Variants in TULP3 observed in about 807,000 individuals in gnomAD.
The protein encoded by TULP3 is tubby-related protein 3.
A neutral mutation model predicts 50.7 loss-of-function variants in TULP3; 38 were observed. That is an observed-to-expected ratio of 0.75 (90% confidence interval 0.58 to 0.98). The LOEUF (loss-of-function observed/expected upper bound fraction) is 0.98. TULP3 is among the 50% of genes least tolerant of loss of function. The probability of loss-of-function intolerance (pLI) is 0.00; values close to 1 mark genes in which losing one functional copy is unlikely to be tolerated. For missense variants in TULP3, 550 were observed against 568.0 expected (o/e 0.97, Z 0.32); for synonymous variants, 183 against 196.6 (o/e 0.93, Z 0.58).
In TULP3 at chr12:2,906,091, C is replaced by T. The variant is rs571413779; in HGVS notation, c.42-3438C>T. 1.7e-4 allele frequency among the ~76,000 whole-genome samples: 25 copies of T among 148,542 alleles called. No homozygotes were observed. The South Asian group carries it at 5.1e-3, about 30-fold the overall frequency. On this transcript the variant is annotated intron_variant, in intron 1 of 10. Transcript: ENST00000448120. Reference sequence around the variant, plus strand: ...TGTCACCTGGGCTAGAGTGCAGTGACGCCATCTTGGGTCACTGCAACCTCC... The same window carrying T: ...TGTCACCTGGGCTAGAGTGCAGTGATGCCATCTTGGGTCACTGCAACCTCC...
chr12:2,898,571 G>A (rs1290122363), intron 1 of TULP3, among the ~76,000 whole-genome samples: 3 of 152,194 alleles, frequency 2.0e-5, no homozygotes. Flanking sequence ...TAGCACAAAA[G>A]CAGCCATAGA....
chr12:2,901,292 T>TC (rs1175015159), intron 1 of TULP3, among the ~76,000 whole-genome samples: 1 of 143,258 alleles, frequency 7.0e-6, no homozygotes, highest in African/African-American at 2.6e-5. Flanking sequence ...TTGATTTTTT[T>TC]TTTCTTTCTT....
chr12:2,909,509 A>ATTTTT lies in TULP3; in HGVS notation c.42-10_42-6dup. Reference sequence around the variant, plus strand: ...CGTTTTCTTTTTATATACTTGCTTTATTTTTTTTTTTTTTAACAGTGTCTT... The same window carrying ATTTTT: ...CGTTTTCTTTTTATATACTTGCTTTATTTTTTTTTTTTTTTTTTTAACAGTGTCTT... On this transcript the variant is annotated intron_variant, in intron 1 of 10. Transcript: ENST00000448120. 7.1e-7 allele frequency: 1 copy of ATTTTT among 1,409,224 alleles called. No individual in the cohort carries two copies. The highest frequency in any genetic ancestry group is 9.6e-7 in the Non-Finnish European group (1 of 1,040,326). The allele number at this position is 1,409,224 out of a possible 1,614,324, so 87.3% of individuals were successfully genotyped here.
At chr12:2,930,418 A>G (rs2098197294) in intron 5 of TULP3, 73 bp downstream of exon 5, 2 of 978,990 alleles carry the variant, frequency 2.0e-6, no homozygotes, top group Non-Finnish European at 3.0e-6. Flanking sequence ...GTATTTATTT[A>G]TTTATTATTA....
At chr12:2,900,033 G>T (rs2098178172) in intron 1 of TULP3, among the ~76,000 whole-genome samples, 1 of 151,346 alleles carries the variant, frequency 6.6e-6, no homozygotes, top group Non-Finnish European at 1.5e-5. Flanking sequence ...TGGCCAATGT[G>T]TTGGAACCCC....
chr12:2,891,301 G>A (rs1603503567), intron 1 of TULP3, among the ~76,000 whole-genome samples: 1 of 152,174 alleles, frequency 6.6e-6, no homozygotes. Context: ...TTTCCCTCGG[G>A]GGAGAGGCGC....
chr12:2,897,680 T>G (rs1478578213), intron 1 of TULP3, among the ~76,000 whole-genome samples: 1 of 150,470 alleles, frequency 6.6e-6, no homozygotes, highest in South Asian at 2.1e-4. Flanking sequence ...AGGCTAGTCT[T>G]GAACTCGGGC....
chr12:2,900,986 C>T (rs1287250202), intron 1 of TULP3, among the ~76,000 whole-genome samples: 3 of 150,808 alleles, frequency 2.0e-5, no homozygotes, highest in South Asian at 2.1e-4. Context: ...GGATTACAGG[C>T]GTGAGCTACT....
chr12:2,928,164 A>T (rs986142741), intron 4 of TULP3, among the ~76,000 whole-genome samples: 7 of 152,258 alleles, frequency 4.6e-5, no homozygotes, highest in Admixed American at 3.3e-4. Context: ...CCTATAAAAG[A>T]TGCTCCATAA....
intron 1 of TULP3, among the ~76,000 whole-genome samples, chr12:2,906,181 C>A (rs1349355050): frequency 6.6e-6 from 1 of 151,096 alleles, no homozygotes; most frequent in East Asian, 2.0e-4. Context: ...CAGGTGCCCA[C>A]CACCATACCC....
At chr12:2,927,366 A>ATTTTTTTTTTTTTTTTT (rs71057864) in intron 4 of TULP3, among the ~76,000 whole-genome samples, 11 of 105,192 alleles carry the variant, frequency 1.0e-4, no homozygotes, top group South Asian at 3.3e-4. Context: ...GTTGAGACTG[A>ATTTTTTTTTTTTTTTTT]TTTTTTTTTT....
At position 2,940,886 on chromosome 12, in the gene TULP3, A is replaced by C. The variant is rs963427847; in HGVS notation, c.*1442A>C. The C allele has an allele frequency of 2.2e-5, 14 of 635,710 alleles. No individual in the cohort carries two copies. The highest frequency in any genetic ancestry group is 2.1e-4 in the South Asian group (10 of 47,434). 39.4% of individuals were successfully genotyped at this position (635,710 alleles called of 1,614,324 possible). A position where few individuals can be genotyped will look rare whatever the true frequency, so the allele number is the denominator to read the frequency against. ...AGCCTCACACCTCGTCACCACCACC[A>C]CCCCCCACCCCATCCTGAGGCACTG... is the stretch of plus-strand genomic sequence containing the variant. On this transcript the variant is annotated 3_prime_UTR_variant, in exon 11 of 11. Transcript: ENST00000448120.
At chr12:2,908,520 G>A (rs1000430438) in intron 1 of TULP3, among the ~76,000 whole-genome samples, 5 of 152,064 alleles carry the variant, frequency 3.3e-5, no homozygotes, top group South Asian at 2.1e-4. Context: ...CCACCTCCCC[G>A]GTTCAAGCGA....
rs1410018423 is a variant in TULP3 at position 2,940,782 on chromosome 12, C to T, written c.*1338C>T. 4 of 1,436,724 alleles carry T rather than the reference C, an allele frequency of 2.8e-6. No homozygotes were observed. The highest frequency in any genetic ancestry group is 2.5e-5 in the East Asian group (1 of 40,078). The allele number at this position is 1,436,724 out of a possible 1,614,324, so 89.0% of individuals were successfully genotyped here. A position where few individuals can be genotyped will look rare whatever the true frequency, so the allele number is the denominator to read the frequency against. ...TGGCTTGTCCCCCACCGACAAGTCC[C>T]ACCTGCTGGGTGAGGACGAGACTGT... On this transcript the variant is annotated 3_prime_UTR_variant, in exon 11 of 11. Transcript: ENST00000448120.
intron 4 of TULP3, among the ~76,000 whole-genome samples, chr12:2,926,830 G>A (rs762670699): frequency 3.2e-4 from 48 of 152,252 alleles, no homozygotes; most frequent in Middle Eastern, 3.4e-3. Context: ...TCGATTGAAC[G>A]TTGTGGGTGG....
At chr12:2,892,211 T>C (rs943079109) in intron 1 of TULP3, among the ~76,000 whole-genome samples, 3 of 152,214 alleles carry the variant, frequency 2.0e-5, no homozygotes, top group African/African-American at 7.2e-5. Flanking sequence ...ATTTTCCTTT[T>C]TCGTCAAGTT....
chr12:2,932,369 A>G (rs1348154915), intron 6 of TULP3, among the ~76,000 whole-genome samples: 3 of 152,010 alleles, frequency 2.0e-5, no homozygotes, highest in Non-Finnish European at 2.9e-5. Context: ...CCTTGAGGAC[A>G]TGAGCTCGAG....
chr12:2,900,092 G>T (rs373633497), intron 1 of TULP3, among the ~76,000 whole-genome samples: 94 of 151,346 alleles, frequency 6.2e-4, no homozygotes, highest in African/African-American at 2.2e-3. Context: ...AGGCGTGGTC[G>T]CACTCCTGTG....
At chr12:2,929,805 G>A (rs2098196872) in intron 4 of TULP3, among the ~76,000 whole-genome samples, 1 of 151,758 alleles carries the variant, frequency 6.6e-6, no homozygotes, top group South Asian at 2.1e-4. Flanking sequence ...TAGCCAGGAT[G>A]GTCTCAATCT....
Sources: gnomAD v4.1 joint callset for allele counts (sites outside exome capture counted in the v4.1 genomes callset) on GRCh38, gnomAD v4.1.1 for gene constraint, MANE v1.5 for transcripts, NCBI Gene and HGNC (gene_info 2026-07-23, HGNC 2026-07-21) for gene names.